Variants in ACTR3 observed in about 807,000 individuals in gnomAD.
ACTR3 encodes the protein actin-related protein 3.
In ACTR3, 12 loss-of-function variants were observed where a neutral mutation model predicts 56.8. The observed-to-expected ratio is 0.21, with a 90% CI of 0.14 to 0.34. The LOEUF (loss-of-function observed/expected upper bound fraction) is 0.34, where lower values mean the gene tolerates loss of function less well. Among genes scored for constraint, ACTR3 ranks in the 10% least tolerant of loss-of-function variants. ACTR3 has a pLI of 1.00. For missense variants in ACTR3, 282 were observed against 512.5 expected, an observed-to-expected ratio of 0.55 and a Z score of 4.34; for synonymous variants, 162 against 167.4, an observed-to-expected ratio of 0.97 and a Z score of 0.25.
chr2:113,892,403 T>C (rs1343177204), intron 1 of ACTR3, among the ~76,000 whole-genome samples: 2 of 152,250 alleles, frequency 1.3e-5, no homozygotes, highest in Non-Finnish European at 2.9e-5. Context: ...TGAATGGAAC[T>C]GATTAGGAGT....
chr2:113,932,340 A>G (rs1679739360), intron 5 of ACTR3, among the ~76,000 whole-genome samples: 1 of 152,224 alleles, frequency 6.6e-6, no homozygotes, highest in African/African-American at 2.4e-5. Context: ...TTCTTAGAAT[A>G]TGAATAAAAT....
At chr2:113,925,193 C>T (rs1679594233) in intron 3 of ACTR3, among the ~76,000 whole-genome samples, 1 of 112,706 alleles carries the variant, frequency 8.9e-6, no homozygotes, top group Non-Finnish European at 1.7e-5. Context: ...CATCGTGCCA[C>T]CTTTTTTTTT....
chr2:113,913,996 A>G (rs1679356336), intron 2 of ACTR3, among the ~76,000 whole-genome samples: 1 of 152,216 alleles, frequency 6.6e-6, no homozygotes, highest in African/African-American at 2.4e-5. Flanking sequence ...ATACCAAGTG[A>G]CAAACCTTTT....
At chr2:113,895,827 T>A (rs1574347114) in intron 1 of ACTR3, among the ~76,000 whole-genome samples, 1 of 152,216 alleles carries the variant, frequency 6.6e-6, no homozygotes, top group East Asian at 1.9e-4. Context: ...TTTCTTCCCA[T>A]CTGTAATTTG....
chr2:113,933,622 T>C (rs1679763458), intron 5 of ACTR3, among the ~76,000 whole-genome samples: 1 of 152,056 alleles, frequency 6.6e-6, no homozygotes, highest in Non-Finnish European at 1.5e-5. Flanking sequence ...TTGCAGTTTG[T>C]AACAGGCCAG....
intron 8 of ACTR3, among the ~76,000 whole-genome samples, chr2:113,942,874 ATTC>A (rs1361402886): frequency 2.5e-4 from 38 of 152,338 alleles, no homozygotes; most frequent in African/African-American, 8.2e-4. Flanking sequence ...ATAATGGAAA[ATTC>A]TTCTGGTAAC....
rs778174899 is a variant in ACTR3 at position 113,961,397 on chromosome 2, TC to T, written c.*3943del. On this transcript the variant is annotated 3_prime_UTR_variant, in exon 12 of 12. Transcript: ENST00000263238. ...AAGGAACAACGATAGAAATACGTGA[TC>T]TAGGAAAGAAGGCAACTGAAAAACC... 6.6e-6 allele frequency: 1 copy of T among 151,854 alleles called. No homozygotes were observed. The highest frequency in any genetic ancestry group is 1.5e-5 in the Non-Finnish European group (1 of 67,826). The allele number at this position is 151,854 out of a possible 1,614,324, so 9.4% of individuals were successfully genotyped here.
chr2:113,914,586 T>TG (rs1679368346), intron 2 of ACTR3, among the ~76,000 whole-genome samples: 1 of 112,894 alleles, frequency 8.9e-6, no homozygotes, highest in Admixed American at 1.2e-4. Context: ...ATTCCAGGCC[T>TG]GGGGGGTGAC....
rs1215957149 is a variant in ACTR3 at position 113,960,497 on chromosome 2, A to G, written c.*3042A>G. 1 of 152,052 alleles carries G rather than the reference A, an allele frequency of 6.6e-6. No individual in the cohort carries two copies. Among genetic ancestry groups the G allele is most frequent in the Non-Finnish European group, 1.5e-5 (1 of 67,926 alleles). 9.4% of individuals were successfully genotyped at this position (152,052 alleles called of 1,614,324 possible). ...AATTTCTACAGAAAAGTACTAGAGA[A>G]TATATCTATAGAAACTTCTTTCAGA... is the stretch of plus-strand genomic sequence containing the variant. On this transcript the variant is annotated 3_prime_UTR_variant, in exon 12 of 12. Coordinates refer to ENST00000263238, the MANE Select transcript of ACTR3 (RefSeq NM_005721.5).
chr2:113,961,389 A>G lies in ACTR3; in HGVS notation c.*3934A>G, dbSNP rs974067053. 6.6e-6 allele frequency: 1 copy of G among 151,960 alleles called. No individual in the cohort carries two copies. Among genetic ancestry groups the G allele is most frequent in the Non-Finnish European group, 1.5e-5 (1 of 67,870 alleles). The allele number at this position is 151,960 out of a possible 1,614,324, so 9.4% of individuals were successfully genotyped here. A position where few individuals can be genotyped will look rare whatever the true frequency, so the allele number is the denominator to read the frequency against. On this transcript the variant is annotated 3_prime_UTR_variant, in exon 12 of 12. Coordinates refer to ENST00000263238, the MANE Select transcript of ACTR3 (RefSeq NM_005721.5). ...CAATAAAAAAGGAACAACGATAGAA[A>G]TACGTGATCTAGGAAAGAAGGCAAC...
chr2:113,902,061 G>A (rs3791737), intron 1 of ACTR3, among the ~76,000 whole-genome samples: 45,316 of 152,076 alleles, frequency 0.3, 11,106 homozygotes, highest in African/African-American at 0.67. Flanking sequence ...ATTATGACCC[G>A]TGAACATTTA....
chr2:113,891,442 A>G (rs528464665), intron 1 of ACTR3, among the ~76,000 whole-genome samples: 2 of 152,018 alleles, frequency 1.3e-5, no homozygotes, highest in African/African-American at 4.8e-5. Flanking sequence ...GTTGTACCAC[A>G]CTCATAACTG....
intron 4 of ACTR3, among the ~76,000 whole-genome samples, chr2:113,929,675 C>T (rs970802711): frequency 1.3e-5 from 2 of 151,790 alleles, no homozygotes; most frequent in Non-Finnish European, 2.9e-5. Context: ...TTTGGCTTAT[C>T]AATCTTTTAT....
intron 4 of ACTR3, among the ~76,000 whole-genome samples, chr2:113,929,470 C>T (rs1679679625): frequency 6.6e-6 from 1 of 152,092 alleles, no homozygotes; most frequent in South Asian, 2.1e-4. Context: ...CCATTGTGAA[C>T]CTTCTTCTAC....
chr2:113,920,976 A>G (rs546643634), intron 3 of ACTR3, among the ~76,000 whole-genome samples: 1 of 152,292 alleles, frequency 6.6e-6, no homozygotes, highest in East Asian at 1.9e-4. Flanking sequence ...TCCTTTGGGT[A>G]TATACCCAAT....
intron 4 of ACTR3, among the ~76,000 whole-genome samples, chr2:113,928,036 T>A (rs189714405): frequency 5.1e-4 from 77 of 151,974 alleles, no homozygotes; most frequent in Admixed American, 1.8e-3. Flanking sequence ...ATTTTTTTTT[T>A]ATTTCTTCTG....
In ACTR3 at chr2:113,939,941, C is replaced by A; in HGVS notation, c.541-18C>A. 1 of 1,548,484 alleles carries A rather than the reference C, an allele frequency of 6.5e-7. No individual in the cohort carries two copies. The highest frequency in any genetic ancestry group is 8.8e-7 in the Non-Finnish European group (1 of 1,141,854). On this transcript the variant is annotated intron_variant, in intron 6 of 11. Transcript: ENST00000263238. ...AAAACATTGAAAGTAAATTTGGTAT[C>A]TTTTTTCCCCTCTCTAGGCTGAAGG...
At chr2:113,932,030 G>T (rs938821207) in intron 5 of ACTR3, among the ~76,000 whole-genome samples, 3 of 151,990 alleles carry the variant, frequency 2.0e-5, no homozygotes, top group Non-Finnish European at 2.9e-5. Flanking sequence ...AAGCTGGAAG[G>T]CACTTTATTC....
At chr2:113,895,371 C>T (rs1053672543) in intron 1 of ACTR3, among the ~76,000 whole-genome samples, 5 of 152,138 alleles carry the variant, frequency 3.3e-5, no homozygotes, top group African/African-American at 1.2e-4. Context: ...ACTAGATCTT[C>T]CTTCCGTAGA....
Sources: gnomAD v4.1 joint callset for allele counts (sites outside exome capture counted in the v4.1 genomes callset) on GRCh38, gnomAD v4.1.1 for gene constraint, MANE v1.5 for transcripts, NCBI Gene and HGNC (gene_info 2026-07-23, HGNC 2026-07-21) for gene names.